The following ITSN2 variants were observed in gnomAD, a reference collection of about 807,000 sequenced individuals.
ITSN2 encodes the protein intersectin-2.
Under a neutral mutation model 243.7 loss-of-function variants are expected in ITSN2, and 156 were observed. The observed-to-expected ratio is 0.64, with a 90% CI of 0.56 to 0.73. ITSN2 has a LOEUF of 0.73. ITSN2 is among the 30% of genes least tolerant of loss of function. ITSN2 has a pLI of 0.00. For synonymous variants in ITSN2, 703 were observed against 699.9 expected, an observed-to-expected ratio of 1.00 and a Z score of -0.07; for missense variants, 1,801 against 1,996.1, an observed-to-expected ratio of 0.90 and a Z score of 1.86.
intron 33 of ITSN2, 36 bp from the exon 34 acceptor site, chr2:24,210,983 G>A: frequency 1.2e-6 from 2 of 1,606,790 alleles, no homozygotes; most frequent in Non-Finnish European, 8.5e-7. Context: ...TGGGGGAGCT[G>A]CGTCTCTCAC....
At chr2:24,324,096 G>A (rs1684885306) in intron 2 of ITSN2, among the ~76,000 whole-genome samples, 2 of 152,190 alleles carry the variant, frequency 1.3e-5, no homozygotes, top group African/African-American at 4.8e-5. Flanking sequence ...GCTAGGCGTG[G>A]TGGTGAGCGC....
chr2:24,260,402 A>G (rs1469455426), intron 22 of ITSN2, among the ~76,000 whole-genome samples: 1 of 151,708 alleles, frequency 6.6e-6, no homozygotes, highest in African/African-American at 2.4e-5. Context: ...TGCAATAGTT[A>G]TATCTAAATC....
At chr2:24,306,811 T>TC (rs1682603639) in intron 8 of ITSN2, among the ~76,000 whole-genome samples, 1 of 145,332 alleles carries the variant, frequency 6.9e-6, no homozygotes, top group Admixed American at 6.8e-5. Context: ...AAGATAAACT[T>TC]TTTTTTTTTT....
chr2:24,261,141 C>T lies in ITSN2; in HGVS notation c.2647G>A (p.Val883Met). 1 of 1,613,860 alleles carries T rather than the reference C, an allele frequency of 6.2e-7. No homozygotes were observed. Among genetic ancestry groups the T allele is most frequent in the Non-Finnish European group, 8.5e-7 (1 of 1,179,834 alleles). Residue 883 changes from valine to methionine, a missense_variant, in exon 22 of 40, where the codon GTG (valine) becomes ATG (methionine). Val to Met is a conservative substitution (Grantham distance 21). Coordinates refer to ENST00000355123, the MANE Select transcript of ITSN2 (RefSeq NM_006277.3). ...ATAGGTGATACAGATCCAGGGGACA[C>T]AGTTCGAGTGAAGGCTGATTTTTTC... ...WQKKSAFTRT[V>M]SPGSVSPIHG...
intron 32 of ITSN2, chr2:24,214,550 A>G (rs985852624): frequency 6.6e-6 from 1 of 152,156 alleles, no homozygotes; most frequent in Non-Finnish European, 1.5e-5. Flanking sequence ...AATTTTGTTC[A>G]TGTTTTCACA....
At chr2:24,330,456 A>T in intron 1 of ITSN2, 1 of 648,336 alleles carries the variant, frequency 1.5e-6, no homozygotes. Flanking sequence ...CAAGGTGAAG[A>T]ACGAACCACA....
chr2:24,337,347 T>TATATATATATATATATATATATAC (rs2151890646), intron 1 of ITSN2, among the ~76,000 whole-genome samples: 1 of 122,824 alleles, frequency 8.1e-6, no homozygotes, highest in East Asian at 2.3e-4. Flanking sequence ...TATATATATA[T>TATATATATATATATATATATATAC]ATATATGTAA....
At position 24,203,448 on chromosome 2, in the gene ITSN2, G is replaced by C; in HGVS notation, c.*178C>G. 1 of 601,406 alleles carries C rather than the reference G, an allele frequency of 1.7e-6. No individual in the cohort carries two copies. The allele number at this position is 601,406 out of a possible 1,614,324, so 37.3% of individuals were successfully genotyped here. On this transcript the variant is annotated 3_prime_UTR_variant, in exon 40 of 40. Transcript: ENST00000355123. ...ACTATGGGGTTTGGTTTCTTTATGG[G>C]AAAGGTGTTTGCATAGATTGCTAGC...
At chr2:24,347,412 C>G (rs1687637594) in intron 1 of ITSN2, among the ~76,000 whole-genome samples, 1 of 152,052 alleles carries the variant, frequency 6.6e-6, no homozygotes, top group African/African-American at 2.4e-5. Context: ...GTAGGCCAGG[C>G]ACTGGGGCTC....
chr2:24,270,078 G>T (rs1677158626), intron 20 of ITSN2, among the ~76,000 whole-genome samples: 1 of 152,182 alleles, frequency 6.6e-6, no homozygotes, highest in Non-Finnish European at 1.5e-5. Flanking sequence ...GGGAGCGGGG[G>T]AAAGAGGCAC....
At chr2:24,238,395 T>G (rs1672387156) in intron 29 of ITSN2, among the ~76,000 whole-genome samples, 1 of 152,222 alleles carries the variant, frequency 6.6e-6, no homozygotes, top group Non-Finnish European at 1.5e-5. Context: ...TTGTTTGTGC[T>G]AGATGTTGAC....
At chr2:24,294,726 T>C (rs1680720168) in intron 14 of ITSN2, among the ~76,000 whole-genome samples, 1 of 152,158 alleles carries the variant, frequency 6.6e-6, no homozygotes, top group South Asian at 2.1e-4. Flanking sequence ...TTCCTAAAAT[T>C]AGTAGCAATA....
At chr2:24,206,897 G>A (rs187876965) in intron 37 of ITSN2, among the ~76,000 whole-genome samples, 49 of 152,218 alleles carry the variant, frequency 3.2e-4, no homozygotes, top group Non-Finnish European at 5.1e-4. Context: ...TGTGTTTGAC[G>A]TGGGCCTTGA....
intron 34 of ITSN2, 72 bp from the exon 35 acceptor site, chr2:24,210,105 C>T: frequency 9.0e-7 from 1 of 1,115,818 alleles, no homozygotes; most frequent in Admixed American, 1.8e-5. Flanking sequence ...AGGCCAGTGC[C>T]CTGGGCCTGA....
chr2:24,296,246 C>T (rs1170089261), intron 13 of ITSN2, among the ~76,000 whole-genome samples: 4 of 152,298 alleles, frequency 2.6e-5, no homozygotes, highest in East Asian at 3.9e-4. Flanking sequence ...CCAGGAGGAA[C>T]GTTTTGGCAA....
chr2:24,304,474 T>G (rs1682222468), intron 8 of ITSN2, among the ~76,000 whole-genome samples: 1 of 152,246 alleles, frequency 6.6e-6, no homozygotes, highest in Admixed American at 6.5e-5. Context: ...TTATAACTTT[T>G]AAAATATTTT....
In ITSN2 at chr2:24,340,751, A is replaced by C. The variant is rs78573018; in HGVS notation, c.-33-12636T>G. On this transcript the variant is annotated intron_variant, in intron 1 of 39. Transcript: ENST00000355123. The stretch of plus-strand genomic sequence containing the variant: ...CCTGTGTTCTCAAAAAAGGAAAAAA[A>C]ACACACACACACACACACATATAGT... Among the ~76,000 whole-genome samples the C allele has an allele frequency of 5.8e-3, 876 of 151,402 alleles. 19 individuals are homozygous for C. The East Asian group carries it at 0.066, about 11-fold the overall frequency.
At chr2:24,349,762 T>C (rs1439606788) in intron 1 of ITSN2, among the ~76,000 whole-genome samples, 1 of 152,176 alleles carries the variant, frequency 6.6e-6, no homozygotes, top group African/African-American at 2.4e-5. Context: ...CCTCCCATTT[T>C]CTAGTGCAAA....
chr2:24,284,705 T>A, intron 17 of ITSN2, 58 bp downstream of exon 17: 1 of 1,025,676 alleles, frequency 9.7e-7, no homozygotes, highest in South Asian at 1.3e-5. Context: ...AGTCTAGTTT[T>A]AAAAAAATAA....
Sources: allele counts gnomAD v4.1 joint callset (sites outside exome capture counted in the v4.1 genomes callset), GRCh38; gene constraint gnomAD v4.1.1; transcripts MANE v1.5; gene names NCBI Gene and HGNC (gene_info 2026-07-23, HGNC 2026-07-21).